The following SLC2A1 variants were observed in gnomAD, a reference collection of about 807,000 sequenced individuals.
SLC2A1 encodes solute carrier family 2, facilitated glucose transporter member 1.
A neutral mutation model predicts 46.6 loss-of-function variants in SLC2A1; 4 were observed. That is an observed-to-expected ratio of 0.09 (90% CI 0.04 to 0.20). The LOEUF (loss-of-function observed/expected upper bound fraction) is 0.20. SLC2A1 is among the 10% of genes least tolerant of loss of function. The probability of loss-of-function intolerance (pLI) is 1.00; values close to 1 mark genes in which losing one functional copy is unlikely to be tolerated. For missense variants in SLC2A1, 352 were observed against 667.0 expected (o/e 0.53, Z 5.20); for synonymous variants, 253 against 270.0 (o/e 0.94, Z 0.62).
chr1:42,954,448 C>G lies in SLC2A1; in HGVS notation c.18+4186G>C, dbSNP rs149615060. Among the ~76,000 whole-genome samples the G allele has an allele frequency of 8.6e-4, 131 of 152,332 alleles. No individual in the cohort carries two copies. The highest frequency in any genetic ancestry group is 3.0e-3 in the African/African-American group (124 of 41,570). Reference sequence around the variant, plus strand: ...GCTGAGGCAGGAGAACCACTAGAACCTGGGAGGCGAAGGTTGTGGTGAGCT... The same window carrying G: ...GCTGAGGCAGGAGAACCACTAGAACGTGGGAGGCGAAGGTTGTGGTGAGCT... On this transcript the variant is annotated intron_variant, in intron 1 of 9. Transcript: ENST00000426263. The surrounding 1 kb of genome is among the most constrained non-coding windows in gnomAD (Gnocchi z 4.2).
intron 2 of SLC2A1, among the ~76,000 whole-genome samples, chr1:42,936,158 A>G (rs841851): frequency 0.24 from 36,916 of 152,066 alleles, 4,766 homozygotes; most frequent in African/African-American, 0.32. Context: ...CAGTTAGGTC[A>G]TCCCCAGCAG....
chr1:42,942,252 A>G (rs1197107376), intron 2 of SLC2A1, among the ~76,000 whole-genome samples: 3 of 152,198 alleles, frequency 2.0e-5, no homozygotes, highest in Non-Finnish European at 4.4e-5. Context: ...TCCAGCATTC[A>G]ATAGCTTTGT....
chr1:42,952,423 G>T (rs1302221186), intron 1 of SLC2A1: 1 of 476,168 alleles, frequency 2.1e-6, no homozygotes, highest in Non-Finnish European at 4.2e-6. Flanking sequence ...AGCGAGTTGG[G>T]GATAAGGACT....
Position 42,958,752 on chromosome 1 carries a change from C to A in SLC2A1, c.-101G>T. 1 of 1,250,494 alleles carries A rather than the reference C, an allele frequency of 8.0e-7. No individual in the cohort carries two copies. Among genetic ancestry groups the A allele is most frequent in the Non-Finnish European group, 1.1e-6 (1 of 897,592 alleles). The allele number at this position is 1,250,494 out of a possible 1,614,324, so 77.5% of individuals were successfully genotyped here. On this transcript the variant is annotated 5_prime_UTR_variant, in exon 1 of 10. Transcript: ENST00000426263. ...TCAGGCTCGTGCTCCGGTCCGGGGA[C>A]TCCCACTGCGACTCTGACTCCGACC... is the stretch of plus-strand genomic sequence containing the variant.
chr1:42,932,884 C>T (rs1643506816), intron 2 of SLC2A1, among the ~76,000 whole-genome samples: 1 of 152,210 alleles, frequency 6.6e-6, no homozygotes, highest in Admixed American at 6.5e-5. Flanking sequence ...GGCCAGGCTC[C>T]AAGGGGCGAG....
At chr1:42,955,428 G>A (rs1300571171) in intron 1 of SLC2A1, among the ~76,000 whole-genome samples, 1 of 152,162 alleles carries the variant, frequency 6.6e-6, no homozygotes. Context: ...GGGCAACATG[G>A]CGAAACCCTG....
At chr1:42,941,504 C>T (rs573023713) in intron 2 of SLC2A1, among the ~76,000 whole-genome samples, 1 of 152,314 alleles carries the variant, frequency 6.6e-6, no homozygotes, top group African/African-American at 2.4e-5. Context: ...TGGAAAACAC[C>T]TCCTCTGTCC....
intron 1 of SLC2A1, chr1:42,951,742 G>A (rs1643722540): frequency 1.0e-5 from 4 of 397,710 alleles, no homozygotes; most frequent in Admixed American, 8.8e-5. Flanking sequence ...GCCAGGACCT[G>A]GTAGGCCCCA....
At position 42,927,876 on chromosome 1, in the gene SLC2A1, G is replaced by T; in HGVS notation, c.1075-68C>A. The T allele has an allele frequency of 8.2e-7, 1 of 1,212,776 alleles. No homozygotes were observed. Among genetic ancestry groups the T allele is most frequent in the Non-Finnish European group, 1.2e-6 (1 of 840,200 alleles). The allele number at this position is 1,212,776 out of a possible 1,614,324, so 75.1% of individuals were successfully genotyped here. A position where few individuals can be genotyped will look rare whatever the true frequency, so the allele number is the denominator to read the frequency against. Reference sequence around the variant, plus strand: ...TGATGGATCCTCAGGGGAAACAGAAGCTACAGAGGCCAGAGCAGAGCTATG... The same window carrying T: ...TGATGGATCCTCAGGGGAAACAGAATCTACAGAGGCCAGAGCAGAGCTATG... On this transcript the variant is annotated intron_variant, in intron 8 of 9. Transcript: ENST00000426263. This position sits in a 1 kb window ranked among gnomAD's most constrained non-coding sequence, Gnocchi z 5.3.
In SLC2A1 at chr1:42,926,911, G is replaced by C; in HGVS notation, c.*130C>G. 2.0e-6 allele frequency: 3 copies of C among 1,520,388 alleles called. No homozygotes were observed. Among genetic ancestry groups the C allele is most frequent in the Non-Finnish European group, 2.6e-6 (3 of 1,140,540 alleles). 94.2% of individuals were successfully genotyped at this position (1,520,388 alleles called of 1,614,324 possible). Reference sequence around the variant, plus strand: ...AATATTCTTCTGGACATCATTGCTGGCTGGAGAAAGGAGCCCCAGGCCCGG... The same window carrying C: ...AATATTCTTCTGGACATCATTGCTGCCTGGAGAAAGGAGCCCCAGGCCCGG... On this transcript the variant is annotated 3_prime_UTR_variant, in exon 10 of 10. Transcript: ENST00000426263.
At chr1:42,956,994 T>G (rs1449318707) in intron 1 of SLC2A1, among the ~76,000 whole-genome samples, 1 of 152,258 alleles carries the variant, frequency 6.6e-6, no homozygotes, top group African/African-American at 2.4e-5. Context: ...AAGAACCTGC[T>G]GATTTTCTCC....
Position 42,958,857 on chromosome 1 carries a change from C to T in SLC2A1, c.-206G>A, listed in dbSNP as rs976713506. The T allele has an allele frequency of 1.8e-6, 1 of 547,374 alleles. No homozygotes were observed. The highest frequency in any genetic ancestry group is 3.3e-6 in the Non-Finnish European group (1 of 307,174). The allele number at this position is 547,374 out of a possible 1,614,324, so 33.9% of individuals were successfully genotyped here. A position where few individuals can be genotyped will look rare whatever the true frequency, so the allele number is the denominator to read the frequency against. On this transcript the variant is annotated 5_prime_UTR_variant, in exon 1 of 10. Coordinates refer to ENST00000426263, the MANE Select transcript of SLC2A1 (RefSeq NM_006516.4). Reference sequence around the variant, plus strand: ...CGACCGGCACGCTCGCTGTTGCTACCTCTTGCCTCTTGCCAGAGAGCGCGC... The same window carrying T: ...CGACCGGCACGCTCGCTGTTGCTACTTCTTGCCTCTTGCCAGAGAGCGCGC...
At position 42,930,922 on chromosome 1, in the gene SLC2A1, C is replaced by T; in HGVS notation, c.276-56G>A. On this transcript the variant is annotated intron_variant, in intron 3 of 9. Coordinates refer to ENST00000426263, the MANE Select transcript of SLC2A1 (RefSeq NM_006516.4). The surrounding 1 kb of genome is among the most constrained non-coding windows in gnomAD (Gnocchi z 6.2). ...CCCACATTCCTTGGGCTCCGAGGGG[C>T]TGGGTCAGAGGTAATACCCTGGAAC... is the stretch of plus-strand genomic sequence containing the variant. 1 of 1,604,974 alleles carries T rather than the reference C, an allele frequency of 6.2e-7. No individual in the cohort carries two copies. The highest frequency in any genetic ancestry group is 2.2e-5 in the East Asian group (1 of 44,846).
Position 42,927,697 on chromosome 1 carries a change from T to C in SLC2A1, c.1186A>G (p.Ser396Gly), listed in dbSNP as rs1183662521. ...IPWFIVAELF[S>G]QGPRPAAIAV... is the part of the protein sequence containing the mutation. ...ATGGCAGCTGGACGTGGACCCTGGC[T>C]GAAGAGTTCAGCCACGATGAACCAT... The change falls in exon 9 of 10, where the codon AGC becomes GGC. Residue 396 changes from serine to glycine, a missense_variant. This residue lies in a region of SLC2A1 where 35 missense variants were observed against 107.2 expected (regional missense o/e 0.33). Transcript: ENST00000426263. This position sits in a 1 kb window ranked among gnomAD's most constrained non-coding sequence, Gnocchi z 5.3. 6.2e-7 allele frequency: 1 copy of C among 1,614,184 alleles called. No homozygotes were observed. Among genetic ancestry groups the C allele is most frequent in the East Asian group, 2.2e-5 (1 of 44,882 alleles).
chr1:42,932,105 G>A (rs1643497374), intron 2 of SLC2A1, among the ~76,000 whole-genome samples: 1 of 152,138 alleles, frequency 6.6e-6, no homozygotes, highest in African/African-American at 2.4e-5. Flanking sequence ...TGTTCCCCAG[G>A]CCTAGCTCCC....
At chr1:42,942,101 G>A (rs1467959801) in intron 2 of SLC2A1, among the ~76,000 whole-genome samples, 1 of 152,190 alleles carries the variant, frequency 6.6e-6, no homozygotes, top group African/African-American at 2.4e-5. Context: ...CCATCCGTCT[G>A]GACAAGAAAT....
intron 1 of SLC2A1, chr1:42,952,011 A>G: frequency 2.4e-6 from 1 of 418,484 alleles, no homozygotes; most frequent in East Asian, 3.5e-5. Context: ...CTCACTGGTC[A>G]GGGGGCCAGG....
chr1:42,935,320 T>C (rs555440316), intron 2 of SLC2A1, among the ~76,000 whole-genome samples: 1 of 151,938 alleles, frequency 6.6e-6, no homozygotes, highest in Non-Finnish European at 1.5e-5. Flanking sequence ...TCTCCTGGGG[T>C]GAGGGGGAGG....
At chr1:42,943,360 G>A (rs775700358) in intron 1 of SLC2A1, 39 bp from the exon 2 acceptor site, 16 of 1,495,550 alleles carry the variant, frequency 1.1e-5, no homozygotes, top group Admixed American at 1.7e-5. Context: ...GGCGTGTCTG[G>A]GAGCAGGTTA....
Sources: allele counts gnomAD v4.1 joint callset (sites outside exome capture counted in the v4.1 genomes callset), GRCh38; gene constraint gnomAD v4.1.1; regional missense constraint gnomAD v4.1.1; non-coding constraint Gnocchi (gnomAD v3.1); transcripts MANE v1.5; gene names NCBI Gene and HGNC (gene_info 2026-07-23, HGNC 2026-07-21).